The following LPXN variants were observed in gnomAD, a reference collection of about 807,000 sequenced individuals.
LPXN encodes leupaxin.
In LPXN, 28 loss-of-function variants were observed where a neutral mutation model predicts 45.6. The observed-to-expected ratio is 0.61, with a 90% CI of 0.45 to 0.84. The LOEUF (loss-of-function observed/expected upper bound fraction) is 0.84. Among genes scored for constraint, LPXN ranks in the 40% least tolerant of loss-of-function variants. LPXN has a pLI of 0.00. For missense variants in LPXN, 459 were observed against 475.0 expected, an observed-to-expected ratio of 0.97 and a Z score of 0.31; for synonymous variants, 166 against 169.9, an observed-to-expected ratio of 0.98 and a Z score of 0.18.
At chr11:58,569,751 G>T (rs953939478) in intron 2 of LPXN, among the ~76,000 whole-genome samples, 5 of 152,194 alleles carry the variant, frequency 3.3e-5, no homozygotes, top group Admixed American at 6.5e-5. Flanking sequence ...TGGTTCCCTA[G>T]AGCTTCATCA....
chr11:58,531,859 GC>G (rs1487605815), intron 7 of LPXN, among the ~76,000 whole-genome samples: 2 of 152,268 alleles, frequency 1.3e-5, no homozygotes, highest in Non-Finnish European at 2.9e-5. Flanking sequence ...CGCTTGAGGA[GC>G]CCTTCAGCCT....
chr11:58,554,725 C>T lies in LPXN; in HGVS notation c.318+116G>A, dbSNP rs1854150997. ...AAGCAATGACAACTTAGGAAAATTC[C>T]TAAGTGGGAGAATGGAGAGCTGAGT... On this transcript the variant is annotated intron_variant, in intron 4 of 8. Transcript: ENST00000395074. The T allele has an allele frequency of 1.2e-5, 8 of 665,672 alleles. No homozygotes were observed. In the South Asian group the frequency reaches 1.9e-4, roughly 16 times the overall value. 41.2% of individuals were successfully genotyped at this position (665,672 alleles called of 1,614,324 possible). A position where few individuals can be genotyped will look rare whatever the true frequency, so the allele number is the denominator to read the frequency against.
At chr11:58,563,602 T>G (rs983881191) in intron 3 of LPXN, among the ~76,000 whole-genome samples, 8 of 152,386 alleles carry the variant, frequency 5.2e-5, no homozygotes, top group Admixed American at 3.3e-4. Context: ...TTTTTCAGAC[T>G]GCCAATTCTG....
intron 8 of LPXN, 125 bp downstream of exon 8, chr11:58,527,918 C>T: frequency 1.6e-6 from 2 of 1,231,744 alleles, no homozygotes; most frequent in Non-Finnish European, 2.3e-6. Context: ...CTCGTTTCTC[C>T]TTTAGGATGC....
intron 7 of LPXN, among the ~76,000 whole-genome samples, chr11:58,548,527 G>A (rs1289607480): frequency 1.3e-5 from 2 of 151,790 alleles, no homozygotes; most frequent in Non-Finnish European, 2.9e-5. Flanking sequence ...CAGTTCTGTT[G>A]CATAACTTAG....
intron 3 of LPXN, among the ~76,000 whole-genome samples, chr11:58,561,838 A>G (rs1376471986): frequency 2.0e-5 from 3 of 152,252 alleles, no homozygotes; most frequent in Non-Finnish European, 4.4e-5. Context: ...TTGAGTCAAC[A>G]GTATAAAATT....
chr11:58,527,796 A>G, intron 8 of LPXN, 73 bp from the exon 9 acceptor site: 1 of 1,461,968 alleles, frequency 6.8e-7, no homozygotes, highest in Admixed American at 2.1e-5. Flanking sequence ...TAAAATTTTC[A>G]GCCTTGAAAT....
chr11:58,546,939 G>T (rs376860704), intron 7 of LPXN, among the ~76,000 whole-genome samples: 1 of 152,146 alleles, frequency 6.6e-6, no homozygotes. Flanking sequence ...TTCCTTTGAA[G>T]AAAACTGTGC....
intron 7 of LPXN, among the ~76,000 whole-genome samples, chr11:58,536,429 ATGG>A (rs1416860085): frequency 6.6e-6 from 1 of 152,220 alleles, no homozygotes; most frequent in Non-Finnish European, 1.5e-5. Flanking sequence ...TATTTAATAA[ATGG>A]TGTTGGGAAA....
chr11:58,560,563 T>C (rs1385856305), intron 3 of LPXN, among the ~76,000 whole-genome samples: 1 of 152,230 alleles, frequency 6.6e-6, no homozygotes, highest in African/African-American at 2.4e-5. Flanking sequence ...AACATTTTTC[T>C]ATCTTCTGCA....
In LPXN at chr11:58,570,538, T is replaced by C. The variant is rs1565205788; in HGVS notation, c.171+18A>G. 1.3e-6 allele frequency: 2 copies of C among 1,597,978 alleles called. No individual in the cohort carries two copies. The highest frequency in any genetic ancestry group is 1.3e-5 in the African/African-American group (1 of 74,572). On this transcript the variant is annotated intron_variant, in intron 2 of 8. Coordinates refer to ENST00000395074, the MANE Select transcript of LPXN (RefSeq NM_004811.3). ...CTCAAACATCCATGTTTAAGGACTA[T>C]AATAAATGAAAATTTACCGGCAAGG...
At chr11:58,575,520 A>G (rs1292518781) in intron 1 of LPXN, among the ~76,000 whole-genome samples, 1 of 152,230 alleles carries the variant, frequency 6.6e-6, no homozygotes, top group African/African-American at 2.4e-5. Context: ...CCAAGAGTTT[A>G]TTCCGCGGTT....
chr11:58,558,500 G>C (rs779275804), intron 3 of LPXN, among the ~76,000 whole-genome samples: 2 of 128,444 alleles, frequency 1.6e-5, no homozygotes, highest in African/African-American at 3.1e-5. Context: ...TCACACTACT[G>C]CATGCCAGCC....
intron 3 of LPXN, among the ~76,000 whole-genome samples, chr11:58,563,866 G>A (rs913387884): frequency 5.9e-5 from 9 of 152,268 alleles, no homozygotes; most frequent in East Asian, 1.9e-4. Flanking sequence ...CTGGAATAGC[G>A]TGGACAAAAC....
chr11:58,528,029 G>T lies in LPXN; in HGVS notation c.891+14C>A. The T allele has an allele frequency of 6.2e-7, 1 of 1,608,254 alleles. No homozygotes were observed. Among genetic ancestry groups the T allele is most frequent in the East Asian group, 2.2e-5 (1 of 44,764 alleles). On this transcript the variant is annotated intron_variant, in intron 8 of 8. Transcript: ENST00000395074. ...GACTTTCCCTAAGTCCGAAAGAAAA[G>T]TGATTATACAGACCCCACAAACAAA...
At chr11:58,530,662 A>G (rs561642031) in intron 7 of LPXN, among the ~76,000 whole-genome samples, 1 of 152,310 alleles carries the variant, frequency 6.6e-6, no homozygotes, top group South Asian at 2.1e-4. Flanking sequence ...GACAGCTCTG[A>G]AGAGAGCAGT....
intron 7 of LPXN, among the ~76,000 whole-genome samples, chr11:58,537,503 G>T (rs1853586843): frequency 6.6e-6 from 1 of 152,038 alleles, no homozygotes; most frequent in African/African-American, 2.4e-5. Flanking sequence ...ACACACTGGG[G>T]CCTGATGGAG....
At chr11:58,552,662 C>A (rs1644350063) in intron 4 of LPXN, among the ~76,000 whole-genome samples, 1 of 152,232 alleles carries the variant, frequency 6.6e-6, no homozygotes, top group African/African-American at 2.4e-5. Flanking sequence ...TAACATCACA[C>A]TGTCACCAAT....
chr11:58,563,186 A>G (rs1046372326), intron 3 of LPXN, among the ~76,000 whole-genome samples: 5 of 152,188 alleles, frequency 3.3e-5, no homozygotes, highest in Non-Finnish European at 4.4e-5. Context: ...ATTGTGTGCC[A>G]GCCACTTTTT....
Sources: allele counts gnomAD v4.1 joint callset (sites outside exome capture counted in the v4.1 genomes callset), GRCh38; gene constraint gnomAD v4.1.1; transcripts MANE v1.5; gene names NCBI Gene and HGNC (gene_info 2026-07-23, HGNC 2026-07-21).